The following CUEDC1 variants were observed in gnomAD, a reference collection of about 807,000 sequenced individuals.
CUEDC1 encodes the protein CUE domain-containing protein 1.
CUEDC1 carries 30 observed loss-of-function variants against 43.7 expected under a neutral mutation model. The ratio of observed to expected loss-of-function variants is 0.69; its 90% CI spans 0.51 to 0.93. The LOEUF is 0.93. Ranked by LOEUF, CUEDC1 falls within the 40% of genes least tolerant of loss-of-function variation. The probability of loss-of-function intolerance (pLI) is 0.00; values close to 1 mark genes in which losing one functional copy is unlikely to be tolerated. For synonymous variants in CUEDC1, 223 were observed against 223.6 expected (o/e 1.00, Z 0.02); for missense variants, 486 against 549.0 (o/e 0.89, Z 1.15).
chr17:57,954,474 G>C lies in CUEDC1; in HGVS notation c.-316+751C>G, dbSNP rs1314863975. Among the ~76,000 whole-genome samples, 2 of 152,078 alleles carry C rather than the reference G, an allele frequency of 1.3e-5. No homozygotes were observed. Among genetic ancestry groups the C allele is most frequent in the Non-Finnish European group, 2.9e-5 (2 of 68,004 alleles). Reference sequence around the variant, plus strand: ...AAAAGAAATGGGCAGGGCAGTGCTGGGTGTAAGGCGACCACGCGACCGAGA... The same window carrying C: ...AAAAGAAATGGGCAGGGCAGTGCTGCGTGTAAGGCGACCACGCGACCGAGA... On this transcript the variant is annotated intron_variant, in intron 1 of 10. Coordinates refer to ENST00000577830, the MANE Select transcript of CUEDC1 (RefSeq NM_001271875.2). This position sits in a 1 kb window ranked among gnomAD's most constrained non-coding sequence, Gnocchi z 4.3.
At position 57,867,342 on chromosome 17, in the gene CUEDC1, C is replaced by A; in HGVS notation, c.1093+15G>T. On this transcript the variant is annotated intron_variant, in intron 9 of 10. Coordinates refer to ENST00000577830, the MANE Select transcript of CUEDC1 (RefSeq NM_001271875.2). ...CATAGAGAAGTTGGAGCTTACGACT[C>A]CCCTCCAGCCTCACCACACGCGTGG... 6.4e-7 allele frequency: 1 copy of A among 1,551,346 alleles called. No individual in the cohort carries two copies. The highest frequency in any genetic ancestry group is 2.4e-5 in the East Asian group (1 of 40,954).
Position 57,879,641 on chromosome 17 carries a change from T to C in CUEDC1, c.434A>G (p.Tyr145Cys). Residue 145 changes from tyrosine (Y) to cysteine (C), a missense_variant, in exon 3 of 11, where the codon TAC (tyrosine) becomes TGC (cysteine). Tyr to Cys is a radical substitution (Grantham distance 194, BLOSUM62 -2). Transcript: ENST00000577830. Reference sequence around the variant, plus strand: ...AGGCGGAGTCGGGGGAGCCAGAGGGTAGGGCCGGTCGAACACGTGCATGTG... The same window carrying C: ...AGGCGGAGTCGGGGGAGCCAGAGGGCAGGGCCGGTCGAACACGTGCATGTG... ...AYHMHVFDRP[Y>C]PLAPPTPPPR... 1 of 1,603,206 alleles carries C rather than the reference T, an allele frequency of 6.2e-7. No homozygotes were observed. The highest frequency in any genetic ancestry group is 8.5e-7 in the Non-Finnish European group (1 of 1,176,404).
intron 1 of CUEDC1, among the ~76,000 whole-genome samples, chr17:57,953,911 C>G (rs974007430): frequency 6.6e-6 from 1 of 152,260 alleles, no homozygotes; most frequent in Middle Eastern, 3.4e-3. Flanking sequence ...CCTGGAGACC[C>G]GAGCCAGGTT....
At chr17:57,911,460 T>A (rs1352384904) in intron 1 of CUEDC1, among the ~76,000 whole-genome samples, 1 of 152,160 alleles carries the variant, frequency 6.6e-6, no homozygotes, top group Non-Finnish European at 1.5e-5. Context: ...CCTGCTGTCT[T>A]GTGTGGCTGG....
At chr17:57,951,678 C>G (rs920983860) in intron 1 of CUEDC1, among the ~76,000 whole-genome samples, 1 of 152,024 alleles carries the variant, frequency 6.6e-6, no homozygotes. Flanking sequence ...AGGCTGGTCT[C>G]GAACTCCTGA....
intron 6 of CUEDC1, among the ~76,000 whole-genome samples, chr17:57,870,520 C>T (rs1233691973): frequency 6.6e-6 from 1 of 152,164 alleles, no homozygotes; most frequent in Non-Finnish European, 1.5e-5. Flanking sequence ...TCCTTTTTTC[C>T]CATGCATTTG....
intron 6 of CUEDC1, 91 bp from the exon 7 acceptor site, chr17:57,869,284 G>T: frequency 9.2e-7 from 1 of 1,091,898 alleles, no homozygotes. Flanking sequence ...CAAATGCAAA[G>T]AAAGAGCAGG....
chr17:57,869,880 AT>A (rs780690837), intron 6 of CUEDC1: 1 of 152,498 alleles, frequency 6.6e-6, no homozygotes, highest in Non-Finnish European at 1.5e-5. Flanking sequence ...AACTTGGTTA[AT>A]CCCCAGTCAC....
intron 6 of CUEDC1, 117 bp from the exon 7 acceptor site, chr17:57,869,310 G>A: frequency 1.2e-6 from 1 of 860,256 alleles, no homozygotes. Flanking sequence ...TCCCTGGCCA[G>A]AAGGGAGTTT....
At chr17:57,950,278 G>A (rs2074993708) in intron 1 of CUEDC1, among the ~76,000 whole-genome samples, 1 of 151,706 alleles carries the variant, frequency 6.6e-6, no homozygotes, top group South Asian at 2.1e-4. Context: ...AGCTTCCCAA[G>A]TAGCTGGGAC....
chr17:57,868,484 C>T, intron 7 of CUEDC1: 1 of 546,966 alleles, frequency 1.8e-6, no homozygotes, highest in Non-Finnish European at 3.3e-6. Context: ...ACACCCTGAG[C>T]CAGGCCCAGG....
In CUEDC1 at chr17:57,867,354, C is replaced by T; in HGVS notation, c.1093+3G>A. The T allele has an allele frequency of 6.4e-7, 1 of 1,551,896 alleles. No individual in the cohort carries two copies. The highest frequency in any genetic ancestry group is 1.2e-5 in the South Asian group (1 of 84,086). The stretch of plus-strand genomic sequence containing the variant: ...GGAGCTTACGACTCCCCTCCAGCCT[C>T]ACCACACGCGTGGCCCTCCACATCA... On this transcript the variant is annotated splice_donor_region_variant and intron_variant, in intron 9 of 10. Coordinates refer to ENST00000577830, the MANE Select transcript of CUEDC1 (RefSeq NM_001271875.2).
chr17:57,892,000 C>T (rs1003112151), intron 1 of CUEDC1, among the ~76,000 whole-genome samples: 3 of 152,158 alleles, frequency 2.0e-5, no homozygotes, highest in East Asian at 1.9e-4. Flanking sequence ...CGAATCAGTG[C>T]CTGGCATGGT....
At chr17:57,865,166 G>T (rs1315882523) in intron 10 of CUEDC1, among the ~76,000 whole-genome samples, 1 of 152,240 alleles carries the variant, frequency 6.6e-6, no homozygotes, top group Non-Finnish European at 1.5e-5. Context: ...GGAGAAGGGC[G>T]TGGAGATAGT....
intron 1 of CUEDC1, among the ~76,000 whole-genome samples, chr17:57,898,702 C>A (rs551925381): frequency 2.6e-5 from 4 of 151,878 alleles, no homozygotes; most frequent in African/African-American, 7.2e-5. Context: ...CTGGCCCAGG[C>A]GTCTGGCCTG....
intron 1 of CUEDC1, among the ~76,000 whole-genome samples, chr17:57,926,390 C>T (rs1292838570): frequency 6.6e-6 from 1 of 152,072 alleles, no homozygotes; most frequent in Non-Finnish European, 1.5e-5. Context: ...GATCTTGTCC[C>T]CATTCAAGCC....
intron 1 of CUEDC1, among the ~76,000 whole-genome samples, chr17:57,896,657 A>G (rs2074413515): frequency 6.6e-6 from 1 of 151,940 alleles, no homozygotes; most frequent in African/African-American, 2.4e-5. Context: ...TTTGATTGAT[A>G]CTCATTTATT....
At chr17:57,879,786 A>G (rs754160773) in intron 2 of CUEDC1, 48 bp from the exon 3 acceptor site, 2 of 1,558,342 alleles carry the variant, frequency 1.3e-6, no homozygotes, top group Non-Finnish European at 1.7e-6. Flanking sequence ...CCCTCCTTGA[A>G]TTTAAATACC....
intron 1 of CUEDC1, among the ~76,000 whole-genome samples, chr17:57,918,865 T>C (rs2074671336): frequency 6.6e-6 from 1 of 152,182 alleles, no homozygotes; most frequent in Non-Finnish European, 1.5e-5. Context: ...TTTATTTTTA[T>C]TTTTCTGAGA....
Sources: gnomAD v4.1 joint callset for allele counts (sites outside exome capture counted in the v4.1 genomes callset) on GRCh38, gnomAD v4.1.1 for gene constraint, Gnocchi (gnomAD v3.1) non-coding constraint, MANE v1.5 for transcripts, NCBI Gene and HGNC (gene_info 2026-07-23, HGNC 2026-07-21) for gene names.